The following RASA3 variants were observed in gnomAD, a reference collection of about 807,000 sequenced individuals.
RASA3 encodes RAS p21 protein activator 3.
In RASA3, 73 loss-of-function variants were observed where a neutral mutation model predicts 110.0. The ratio of observed to expected loss-of-function variants is 0.66; its 90% CI spans 0.55 to 0.81. RASA3 has a LOEUF of 0.81. RASA3 is among the 30% of genes least tolerant of loss of function. RASA3 has a pLI of 0.00. For synonymous variants in RASA3, 500 were observed against 451.4 expected (o/e 1.11, Z -1.37); for missense variants, 976 against 1,113.2 (o/e 0.88, Z 1.75).
At chr13:114,111,256 A>T (rs77356895) in intron 1 of RASA3, among the ~76,000 whole-genome samples, 603 of 2,432 alleles carry the variant, frequency 0.25, 132 homozygotes, top group Middle Eastern at 0.75. Context: ...GGGCTGAGCC[A>T]CAAACGAGCT....
intron 17 of RASA3, among the ~76,000 whole-genome samples, chr13:114,008,158 G>A (rs113697944): frequency 1.7e-3 from 1 of 604 alleles, no homozygotes; most frequent in Non-Finnish European, 3.6e-3. Context: ...CCCACGCACC[G>A]CGTTCCTGAC....
intron 2 of RASA3, among the ~76,000 whole-genome samples, chr13:114,054,433 C>T (rs1594394496): frequency 1.3e-5 from 2 of 152,142 alleles, no homozygotes; most frequent in South Asian, 2.1e-4. Flanking sequence ...TGTTGCTGCC[C>T]GGAGCCCAGG....
chr13:113,992,358 A>ATGT, intron 22 of RASA3, 127 bp downstream of exon 22: 2 of 666,248 alleles, frequency 3.0e-6, no homozygotes, highest in Non-Finnish European at 5.1e-6. Context: ...CTACAAAGAC[A>ATGT]ACTACATGTA....
intron 19 of RASA3, among the ~76,000 whole-genome samples, chr13:114,000,597 T>C (rs2053372097): frequency 6.6e-6 from 1 of 152,120 alleles, no homozygotes; most frequent in South Asian, 2.1e-4. Flanking sequence ...GTTTACTGGT[T>C]CTCTGGGGAA....
At position 114,021,414 on chromosome 13, in the gene RASA3, A is replaced by G; in HGVS notation, c.775T>C (p.Tyr259His). The G allele has an allele frequency of 6.2e-7, 1 of 1,613,902 alleles. No individual in the cohort carries two copies. Among genetic ancestry groups the G allele is most frequent in the Non-Finnish European group, 8.5e-7 (1 of 1,179,902 alleles). The change falls in exon 9 of 24, where the codon TAC becomes CAC. Residue 259 changes from tyrosine to histidine, a missense_variant. Around this residue, in one of 4 missense-constraint regions of RASA3, gnomAD observed 732 missense variants for 779.7 expected, o/e 0.94. Transcript: ENST00000334062. ...PLKVLRQSSSYEAWYFLQPRD... is the reference protein window; with the variant it reads ...PLKVLRQSSSHEAWYFLQPRD... ...GCAACATCATCTTACCACGCCTCGT[A>G]GGAGCTGGACTGCCGCAGGACTTTC...
chr13:114,061,545 C>T (rs892518834), intron 2 of RASA3, among the ~76,000 whole-genome samples: 47 of 151,580 alleles, frequency 3.1e-4, no homozygotes, highest in Non-Finnish European at 5.3e-4. Flanking sequence ...GGCATGGCGG[C>T]AGGCGCCTGT....
At chr13:114,079,497 C>T (rs1385937599) in intron 1 of RASA3, among the ~76,000 whole-genome samples, 1 of 152,208 alleles carries the variant, frequency 6.6e-6, no homozygotes, top group Non-Finnish European at 1.5e-5. Context: ...CACACAGCGT[C>T]TTCTAACAAC....
chr13:114,053,447 TAAAAC>T (rs2079187887), intron 2 of RASA3, among the ~76,000 whole-genome samples: 1 of 152,232 alleles, frequency 6.6e-6, no homozygotes, highest in African/African-American at 2.4e-5. Flanking sequence ...ACTCAGAACT[TAAAAC>T]AAGCCCACTT....
intron 4 of RASA3, among the ~76,000 whole-genome samples, chr13:114,036,956 G>A (rs1463184290): frequency 6.6e-6 from 1 of 152,172 alleles, no homozygotes; most frequent in Non-Finnish European, 1.5e-5. Flanking sequence ...GAGAGCAGCG[G>A]GCATTGGAGA....
chr13:114,013,932 CT>C (rs879789139), intron 14 of RASA3, among the ~76,000 whole-genome samples: 12,639 of 124,376 alleles, frequency 0.1, 1,512 homozygotes, highest in Middle Eastern at 0.14. Flanking sequence ...CCGTCTCTCT[CT>C]CCCTGTCTCT....
At chr13:114,062,455 G>A (rs779020467) in intron 2 of RASA3, among the ~76,000 whole-genome samples, 6 of 152,166 alleles carry the variant, frequency 3.9e-5, no homozygotes, top group Non-Finnish European at 5.9e-5. Flanking sequence ...CAGCCGCCAC[G>A]GAAAACAGGC....
chr13:114,030,004 T>G, intron 4 of RASA3, 117 bp from the exon 5 acceptor site: 1 of 896,814 alleles, frequency 1.1e-6, no homozygotes, highest in Non-Finnish European at 1.8e-6. Flanking sequence ...CGCCCTGCCC[T>G]GGCCAATGGG....
In RASA3 at chr13:114,041,227, G is replaced by A. The variant is rs2054399118; in HGVS notation, c.278-133C>T. ...ATTCAGAATGGGGCACCGGCCGGGT[G>A]CGGGGCTCATGCCTGGAACCCCCAC... On this transcript the variant is annotated intron_variant, in intron 3 of 23. Coordinates refer to ENST00000334062, the MANE Select transcript of RASA3 (RefSeq NM_007368.4). The A allele has an allele frequency of 7.6e-6, 6 of 787,400 alleles. No homozygotes were observed. The East Asian group carries it at 1.3e-4, about 18-fold the overall frequency. The allele number at this position is 787,400 out of a possible 1,614,324, so 48.8% of individuals were successfully genotyped here.
At chr13:113,982,196 G>A (rs1047046805) in intron 22 of RASA3, among the ~76,000 whole-genome samples, 4 of 152,190 alleles carry the variant, frequency 2.6e-5, no homozygotes, top group African/African-American at 9.6e-5. Flanking sequence ...CGCCCCACCA[G>A]CCCGCCCAGC....
intron 1 of RASA3, among the ~76,000 whole-genome samples, chr13:114,127,312 G>C (rs748035160): frequency 9.2e-5 from 14 of 152,180 alleles, no homozygotes; most frequent in Non-Finnish European, 1.5e-4. Flanking sequence ...CTGCCCACCA[G>C]TCCAGCACCC....
At chr13:114,031,222 T>C (rs2054161085) in intron 4 of RASA3, among the ~76,000 whole-genome samples, 1 of 150,770 alleles carries the variant, frequency 6.6e-6, no homozygotes, top group Non-Finnish European at 1.5e-5. Flanking sequence ...CGATTGTGTG[T>C]GCGTGTCCGT....
At chr13:114,080,815 A>G (rs2079773200) in intron 1 of RASA3, among the ~76,000 whole-genome samples, 1 of 135,642 alleles carries the variant, frequency 7.4e-6, no homozygotes, top group East Asian at 2.2e-4. Flanking sequence ...GTCCTGCTGC[A>G]CACGGTGCCC....
chr13:114,024,404 G>A (rs533695613), intron 7 of RASA3, 49 bp from the exon 8 acceptor site: 42 of 1,560,068 alleles, frequency 2.7e-5, no homozygotes, highest in East Asian at 9.0e-5. Flanking sequence ...GCCACCAGGC[G>A]GGGGTATATG....
chr13:114,050,946 G>A (rs983249664), intron 3 of RASA3, among the ~76,000 whole-genome samples: 9 of 152,374 alleles, frequency 5.9e-5, no homozygotes, highest in South Asian at 2.1e-4. Context: ...GGACGATGAA[G>A]AAAGCCCACA....
Sources: gnomAD v4.1 joint callset for allele counts (sites outside exome capture counted in the v4.1 genomes callset) on GRCh38, gnomAD v4.1.1 for gene constraint, gnomAD v4.1.1 regional missense constraint, MANE v1.5 for transcripts, NCBI Gene and HGNC (gene_info 2026-07-23, HGNC 2026-07-21) for gene names.